Variants in SLC35F1 observed in about 807,000 individuals in gnomAD.
SLC35F1 encodes solute carrier family 35 member F1.
A neutral mutation model predicts 48.7 loss-of-function variants in SLC35F1; 14 were observed. The ratio of observed to expected loss-of-function variants is 0.29; its 90% CI spans 0.19 to 0.45. The LOEUF (loss-of-function observed/expected upper bound fraction) is 0.45, where lower values mean the gene tolerates loss of function less well. Among genes scored for constraint, SLC35F1 ranks in the 20% least tolerant of loss-of-function variants. SLC35F1 has a pLI of 1.00. For synonymous variants in SLC35F1, 190 were observed against 202.2 expected (o/e 0.94, Z 0.51); for missense variants, 404 against 500.0 (o/e 0.81, Z 1.83).
At chr6:118,022,378 G>C (rs116243946) in intron 1 of SLC35F1, among the ~76,000 whole-genome samples, 1 of 152,112 alleles carries the variant, frequency 6.6e-6, no homozygotes, top group African/African-American at 2.4e-5. Context: ...GGTAAAACTC[G>C]GAAATGGATT....
At position 117,999,626 on chromosome 6, in the gene SLC35F1, A is replaced by G. The variant is rs562982304; in HGVS notation, c.173+91727A>G. 1.4e-3 allele frequency among the ~76,000 whole-genome samples: 220 copies of G among 152,146 alleles called. 3 individuals carry two copies. In the South Asian group the frequency reaches 0.045, roughly 31 times the overall value. ...GCAGAACTGAAGGAAATAGAGACCCAAAAAAACCCTTCAGAAAATTAATGA... is the reference window on the plus strand; with the variant it reads ...GCAGAACTGAAGGAAATAGAGACCCGAAAAAACCCTTCAGAAAATTAATGA... On this transcript the variant is annotated intron_variant, in intron 1 of 7. Coordinates refer to ENST00000360388, the MANE Select transcript of SLC35F1 (RefSeq NM_001029858.4).
chr6:118,259,704 CA>C (rs11372368), intron 3 of SLC35F1, among the ~76,000 whole-genome samples: 6 of 147,678 alleles, frequency 4.1e-5, no homozygotes, highest in African/African-American at 1.5e-4. Context: ...TAGCAAAAAT[CA>C]AAAAAAAAAA....
chr6:118,034,768 A>G (rs913044569), intron 1 of SLC35F1, among the ~76,000 whole-genome samples: 3 of 151,950 alleles, frequency 2.0e-5, no homozygotes, highest in Admixed American at 2.0e-4. Context: ...CATCATTTAT[A>G]TAATCCTCCC....
At chr6:118,249,418 C>G (rs1372475320) in intron 3 of SLC35F1, among the ~76,000 whole-genome samples, 1 of 152,186 alleles carries the variant, frequency 6.6e-6, no homozygotes, top group Non-Finnish European at 1.5e-5. Context: ...CAAATAGATG[C>G]ACATGAAAAC....
chr6:117,924,504 ACGTATATACATATATATATG>A, intron 1 of SLC35F1, among the ~76,000 whole-genome samples: 1 of 18,380 alleles, frequency 5.4e-5, no homozygotes, highest in African/African-American at 1.0e-4. Context: ...ATATGTATAT[ACGTATATACATATATATATG>A]TCAAGTTCCA....
At chr6:117,993,293 T>C (rs1050914407) in intron 1 of SLC35F1, among the ~76,000 whole-genome samples, 4 of 152,176 alleles carry the variant, frequency 2.6e-5, no homozygotes, top group Admixed American at 6.5e-5. Context: ...CCTATGGTAA[T>C]GTTTACCCTT....
At chr6:118,285,004 T>A (rs1776032267) in intron 6 of SLC35F1, among the ~76,000 whole-genome samples, 180 bp from the exon 7 acceptor site, 1 of 151,976 alleles carries the variant, frequency 6.6e-6, no homozygotes, top group Non-Finnish European at 1.5e-5. Context: ...TAATTTTTTT[T>A]AATCTAGTTT....
At chr6:118,268,609 T>A (rs1332903323) in intron 4 of SLC35F1, among the ~76,000 whole-genome samples, 2,161 of 109,294 alleles carry the variant, frequency 0.02, 43 homozygotes, top group African/African-American at 0.049. Flanking sequence ...TATTTTTTTT[T>A]TTTTTTTTTT....
At chr6:118,013,886 T>A (rs1211437524) in intron 1 of SLC35F1, among the ~76,000 whole-genome samples, 1 of 152,212 alleles carries the variant, frequency 6.6e-6, no homozygotes, top group African/African-American at 2.4e-5. Flanking sequence ...TCACACTACA[T>A]GCTGTGTGCA....
chr6:118,213,987 T>A (rs1775040750), intron 2 of SLC35F1, among the ~76,000 whole-genome samples: 1 of 152,200 alleles, frequency 6.6e-6, no homozygotes, highest in Non-Finnish European at 1.5e-5. Flanking sequence ...TTCAAAAAAT[T>A]ATTAAAATTA....
intron 1 of SLC35F1, among the ~76,000 whole-genome samples, chr6:117,958,462 C>T (rs909558106): frequency 6.6e-6 from 1 of 152,200 alleles, no homozygotes; most frequent in African/African-American, 2.4e-5. Context: ...AGAGAAACTT[C>T]AGTCCTCCAA....
intron 3 of SLC35F1, among the ~76,000 whole-genome samples, chr6:118,260,566 TA>T (rs1775699879): frequency 6.6e-6 from 1 of 152,092 alleles, no homozygotes; most frequent in African/African-American, 2.4e-5. Context: ...TATGCCCATA[TA>T]AAGCAGTCAC....
chr6:118,103,277 T>G (rs1478318761), intron 1 of SLC35F1, among the ~76,000 whole-genome samples: 3 of 152,062 alleles, frequency 2.0e-5, no homozygotes, highest in African/African-American at 7.2e-5. Flanking sequence ...TTAAATTTTA[T>G]TATTATTATA....
chr6:117,940,914 G>T (rs1776223369), intron 1 of SLC35F1, among the ~76,000 whole-genome samples: 1 of 152,122 alleles, frequency 6.6e-6, no homozygotes, highest in Non-Finnish European at 1.5e-5. Context: ...CTCTCAAAAT[G>T]TTAGGATTAC....
chr6:117,953,749 A>G (rs569894499), intron 1 of SLC35F1, among the ~76,000 whole-genome samples: 2 of 152,298 alleles, frequency 1.3e-5, no homozygotes, highest in Admixed American at 1.3e-4. Context: ...GGACCCCTAC[A>G]ATCTGGGAGT....
chr6:118,292,088 A>G (rs534708610), intron 7 of SLC35F1, among the ~76,000 whole-genome samples: 4 of 152,346 alleles, frequency 2.6e-5, no homozygotes, highest in Admixed American at 1.3e-4. Context: ...ACTGCACTCC[A>G]GCCTGGGAGA....
chr6:118,080,504 G>A (rs547203729), intron 1 of SLC35F1, among the ~76,000 whole-genome samples: 3 of 152,286 alleles, frequency 2.0e-5, no homozygotes, highest in African/African-American at 7.2e-5. Flanking sequence ...AAAATAGTAC[G>A]ATAAAGGTAA....
chr6:118,058,535 G>A (rs528430425), intron 1 of SLC35F1, among the ~76,000 whole-genome samples: 1 of 152,180 alleles, frequency 6.6e-6, no homozygotes, highest in South Asian at 2.1e-4. Context: ...AATAAAGTTA[G>A]AAGTGCTTAG....
chr6:118,227,645 G>A (rs1775235421), intron 2 of SLC35F1, among the ~76,000 whole-genome samples: 1 of 146,102 alleles, frequency 6.8e-6, no homozygotes, highest in Admixed American at 7.1e-5. Flanking sequence ...AAGGGCAATT[G>A]AGCAGATTTT....
Sources: allele counts gnomAD v4.1 joint callset (sites outside exome capture counted in the v4.1 genomes callset), GRCh38; gene constraint gnomAD v4.1.1; transcripts MANE v1.5; gene names NCBI Gene and HGNC (gene_info 2026-07-23, HGNC 2026-07-21).